The following SP110 variants were observed in gnomAD, a reference collection of about 807,000 sequenced individuals.
The protein encoded by SP110 is interferon-induced protein 41, 30kD.
SP110 carries 62 observed loss-of-function variants against 92.7 expected under a neutral mutation model. That is an observed-to-expected ratio of 0.67 (90% CI 0.55 to 0.83). The LOEUF is 0.83. Among genes scored for constraint, SP110 ranks in the 40% least tolerant of loss-of-function variants. The pLI is 0.00. For missense variants in SP110, 793 were observed against 863.9 expected, an observed-to-expected ratio of 0.92 and a Z score of 1.03; for synonymous variants, 273 against 305.3, an observed-to-expected ratio of 0.89 and a Z score of 1.10.
chr2:230,225,205 A>T (rs575174447), intron 1 of SP110, among the ~76,000 whole-genome samples: 4 of 152,236 alleles, frequency 2.6e-5, no homozygotes, highest in Admixed American at 2.6e-4. Flanking sequence ...TATTTGAGAA[A>T]ACTTAGAATT....
Position 230,168,934 on chromosome 2 carries a change from T to C in SP110, c.*190A>G. 1 of 544,332 alleles carries C rather than the reference T, an allele frequency of 1.8e-6. No individual in the cohort carries two copies. The highest frequency in any genetic ancestry group is 3.3e-6 in the Non-Finnish European group (1 of 303,328). 33.7% of individuals were successfully genotyped at this position (544,332 alleles called of 1,614,324 possible). On this transcript the variant is annotated 3_prime_UTR_variant, in exon 19 of 19. Coordinates refer to ENST00000258381, the MANE Select transcript of SP110 (RefSeq NM_080424.4). Reference sequence around the variant, plus strand: ...AAGTATTAATTTTTTTTTTTTTTAGTGTAGATATAGACTTTTAAAGGTAAA... The same window carrying C: ...AAGTATTAATTTTTTTTTTTTTTAGCGTAGATATAGACTTTTAAAGGTAAA...
rs771398482 is a variant in SP110 at position 230,215,019 on chromosome 2, T to A, written c.247A>T (p.Thr83Ser). 2 of 1,613,834 alleles carry A rather than the reference T, an allele frequency of 1.2e-6. No individual in the cohort carries two copies. Among genetic ancestry groups the A allele is most frequent in the South Asian group, 2.2e-5 (2 of 91,088 alleles). ...CGCAGGTTAATTTGACTGAACAATG[T>A]CACCAGAAGAGACAGGTTAAAAGTC... ...ERTFNLSLLV[T>S]LFSQINLREY... The change falls in exon 3 of 19, where the codon ACA (threonine) becomes TCA (serine). Residue 83 changes from threonine (T) to serine (S), a missense_variant. Physicochemically the swap from Thr to Ser is moderately conservative, Grantham distance 58. Transcript: ENST00000258381.
chr2:230,177,456 C>G (rs751543294), intron 14 of SP110, 82 bp downstream of exon 14: 13 of 1,386,134 alleles, frequency 9.4e-6, no homozygotes, highest in Non-Finnish European at 1.2e-5. Flanking sequence ...CTAACGGGAG[C>G]TCTTCACATT....
At chr2:230,173,181 T>C in intron 14 of SP110, 1 of 513,888 alleles carries the variant, frequency 1.9e-6, no homozygotes, top group East Asian at 3.8e-5. Context: ...GGACTTTTCT[T>C]CTCTGGCTGT....
At chr2:230,198,736 A>G (rs1297996901) in intron 10 of SP110, among the ~76,000 whole-genome samples, 1 of 152,090 alleles carries the variant, frequency 6.6e-6, no homozygotes, top group Non-Finnish European at 1.5e-5. Flanking sequence ...CTGGGATTAC[A>G]GGTGCACACC....
upstream of SP110, chr2:230,220,061 G>C: frequency 1.0e-6 from 1 of 985,590 alleles, no homozygotes; most frequent in Admixed American, 6.1e-5. Flanking sequence ...CAAGCCGGAA[G>C]CTGAAGGCAG....
chr2:230,179,482 G>C (rs908229499), intron 12 of SP110, among the ~76,000 whole-genome samples: 5 of 151,014 alleles, frequency 3.3e-5, no homozygotes, highest in African/African-American at 7.3e-5. Flanking sequence ...GAGCCAGACT[G>C]GGGGGCAGGG....
intron 10 of SP110, among the ~76,000 whole-genome samples, chr2:230,195,665 A>G (rs2148817723): frequency 6.6e-6 from 1 of 152,262 alleles, no homozygotes; most frequent in East Asian, 1.9e-4. Flanking sequence ...TCAAGACTAG[A>G]CAAAGATTGT....
At chr2:230,189,135 T>A (rs572094674) in intron 10 of SP110, among the ~76,000 whole-genome samples, 2 of 152,304 alleles carry the variant, frequency 1.3e-5, no homozygotes, top group South Asian at 4.1e-4. Flanking sequence ...ATCAATTTTG[T>A]TTATCTTTTC....
intron 10 of SP110, among the ~76,000 whole-genome samples, chr2:230,199,609 G>A (rs887809004): frequency 6.6e-6 from 1 of 151,830 alleles, no homozygotes; most frequent in Non-Finnish European, 1.5e-5. Flanking sequence ...AAAGCATAAC[G>A]CTTTTTCTGG....
rs371294585 is a variant in SP110, at chr2:230,212,921, T to C, written c.423A>G (p.Pro141=). The change falls in exon 4 of 19, where the codon CCA becomes CCG. Residue 141 remains proline, a synonymous_variant. Coordinates refer to ENST00000258381, the MANE Select transcript of SP110 (RefSeq NM_080424.4). ...AACAGCTTGGTTGAGGGGGTTGTGG[T>C]GGGGGCAGCGCCAGTGGGGTATGGA... ...SSLHTPLALP[P]PQPPQPSCSP... is the part of the protein sequence containing the mutation. The C allele has an allele frequency of 4.3e-6, 7 of 1,613,866 alleles. No individual in the cohort carries two copies.
chr2:230,214,915 T>C (rs765047238), intron 3 of SP110, 35 bp downstream of exon 3: 1 of 1,597,164 alleles, frequency 6.3e-7, no homozygotes, highest in South Asian at 1.1e-5. Flanking sequence ...ATAGCAACTT[T>C]TTAAATGCAA....
chr2:230,199,145 A>AT (rs1175239097), intron 10 of SP110, among the ~76,000 whole-genome samples: 5 of 121,680 alleles, frequency 4.1e-5, no homozygotes, highest in African/African-American at 1.5e-4. Context: ...TATTATTATT[A>AT]TTATTTTTTT....
chr2:230,185,394 G>A (rs2042311911), intron 11 of SP110, among the ~76,000 whole-genome samples: 1 of 152,170 alleles, frequency 6.6e-6, no homozygotes, highest in South Asian at 2.1e-4. Flanking sequence ...CACCTGCCAA[G>A]TGAAAAGAAA....
chr2:230,222,840 G>GTTTTT (rs35018428), upstream of SP110, among the ~76,000 whole-genome samples: 1 of 128,940 alleles, frequency 7.8e-6, no homozygotes, highest in Non-Finnish European at 1.6e-5. Flanking sequence ...GTGTATTAAA[G>GTTTTT]TTTTTTTTTT....
At chr2:230,185,917 C>G in intron 11 of SP110, 77 bp downstream of exon 11, 2 of 1,250,082 alleles carry the variant, frequency 1.6e-6, no homozygotes, top group Non-Finnish European at 1.2e-6. Context: ...CTTTACATAT[C>G]TATCTGACCC....
chr2:230,185,481 T>C (rs2042316626), intron 11 of SP110, among the ~76,000 whole-genome samples: 1 of 152,188 alleles, frequency 6.6e-6, no homozygotes, highest in African/African-American at 2.4e-5. Context: ...ATTTCTAGTG[T>C]TGGTGAAAGT....
chr2:230,178,200 A>G lies in SP110; in HGVS notation c.1404T>C (p.Cys468=), dbSNP rs112483462. The G allele has an allele frequency of 1.9e-6, 3 of 1,613,786 alleles. No homozygotes were observed. Among genetic ancestry groups the G allele is most frequent in the Non-Finnish European group, 2.5e-6 (3 of 1,179,702 alleles). Residue 468 remains cysteine, a synonymous_variant, in exon 13 of 19, where the codon TGT becomes TGC. Transcript: ENST00000258381. ...DFHCSKLPVT[C]GEAKGILYKK... ...TATATAAAATCCCTTTCGCCTCACCACAGGTCACGGGGAGCTTAGAACAGT... is the reference window on the plus strand; with the variant it reads ...TATATAAAATCCCTTTCGCCTCACCGCAGGTCACGGGGAGCTTAGAACAGT...
chr2:230,178,282 G>A (rs781453454), intron 12 of SP110, 27 bp from the exon 13 acceptor site: 1 of 1,341,376 alleles, frequency 7.5e-7, no homozygotes. Flanking sequence ...ACAGTTTTGT[G>A]TTATTCAGTC....
Sources: allele counts gnomAD v4.1 joint callset (sites outside exome capture counted in the v4.1 genomes callset), GRCh38; gene constraint gnomAD v4.1.1; transcripts MANE v1.5; gene names NCBI Gene and HGNC (gene_info 2026-07-23, HGNC 2026-07-21).